QSER1: variants seen among roughly 807,000 people sequenced by gnomAD.
QSER1 encodes the protein glutamine and serine-rich protein 1.
QSER1 carries 49 observed loss-of-function variants against 158.5 expected under a neutral mutation model. The observed-to-expected ratio is 0.31, with a 90% CI of 0.25 to 0.39. The LOEUF (loss-of-function observed/expected upper bound fraction) is 0.39, where lower values mean the gene tolerates loss of function less well. Ranked by LOEUF, QSER1 falls within the 10% of genes least tolerant of loss-of-function variation. The probability of loss-of-function intolerance (pLI) is 1.00; values close to 1 mark genes in which losing one functional copy is unlikely to be tolerated. For synonymous variants in QSER1, 650 were observed against 715.5 expected (o/e 0.91, Z 1.46); for missense variants, 1,754 against 2,010.3 (o/e 0.87, Z 2.44).
intron 1 of QSER1, among the ~76,000 whole-genome samples, chr11:32,903,640 T>C (rs1378448970): frequency 6.6e-6 from 1 of 152,014 alleles, no homozygotes; most frequent in East Asian, 1.9e-4. Context: ...ACAGTCTTGC[T>C]CTGTCGCCCA....
chr11:32,953,202 T>C (rs941200188), intron 4 of QSER1, among the ~76,000 whole-genome samples: 14 of 151,988 alleles, frequency 9.2e-5, no homozygotes, highest in African/African-American at 3.4e-4. Flanking sequence ...TACTTTATAA[T>C]CATTTTAATT....
At chr11:32,923,225 T>C (rs1806843190) in intron 1 of QSER1, among the ~76,000 whole-genome samples, 1 of 152,226 alleles carries the variant, frequency 6.6e-6, no homozygotes, top group African/African-American at 2.4e-5. Flanking sequence ...TCCATCTATA[T>C]GACATTTTGG....
In QSER1 at chr11:32,893,872, A is replaced by G. The variant is rs1349350433; in HGVS notation, c.209+538A>G. On this transcript the variant is annotated intron_variant, in intron 1 of 12. Coordinates refer to ENST00000650167, the MANE Select transcript of QSER1 (RefSeq NM_001076786.3). This position sits in a 1 kb window ranked among gnomAD's most constrained non-coding sequence, Gnocchi z 4.7. ...CGGGAGAATCCCCGGGGCGCAGGGC[A>G]GAAGAGGGGGCCCGGCAGGGCGCGA... is the stretch of plus-strand genomic sequence containing the variant. Among the ~76,000 whole-genome samples, 1 of 152,216 alleles carries G rather than the reference A, an allele frequency of 6.6e-6. No individual in the cohort carries two copies. Among genetic ancestry groups the G allele is most frequent in the Admixed American group, 6.5e-5 (1 of 15,290 alleles).
At chr11:32,958,982 T>C (rs939953732) in intron 8 of QSER1, among the ~76,000 whole-genome samples, 1 of 152,192 alleles carries the variant, frequency 6.6e-6, no homozygotes, top group Non-Finnish European at 1.5e-5. Flanking sequence ...AAAATGCATT[T>C]ATGTAGGTAT....
intron 1 of QSER1, among the ~76,000 whole-genome samples, chr11:32,903,412 T>C (rs1168116376): frequency 6.7e-6 from 1 of 148,470 alleles, no homozygotes; most frequent in Non-Finnish European, 1.5e-5. Context: ...TGGGAGGTGA[T>C]ACCAGAAAAA....
At chr11:32,897,658 CA>C (rs1164471110) in intron 1 of QSER1, among the ~76,000 whole-genome samples, 1 of 152,232 alleles carries the variant, frequency 6.6e-6, no homozygotes, top group Non-Finnish European at 1.5e-5. Context: ...CCTGCGGACT[CA>C]CATCCACGTC....
chr11:32,972,911 TCTTC>T (rs1852896207), intron 10 of QSER1, among the ~76,000 whole-genome samples: 1 of 152,236 alleles, frequency 6.6e-6, no homozygotes, highest in Non-Finnish European at 1.5e-5. Context: ...TCTGTCGTCA[TCTTC>T]ACCAGAGGCA....
Position 32,923,691 on chromosome 11 carries a change from C to T in QSER1, c.210-3466C>T, listed in dbSNP as rs187484083. On this transcript the variant is annotated intron_variant, in intron 1 of 12. Transcript: ENST00000650167. ...AGACTCTTGTCTCAAAAAAAAAGGC[C>T]GGGCACGGTGGCTCACACCTGTAAT... Among the ~76,000 whole-genome samples the T allele has an allele frequency of 3.1e-4, 43 of 138,342 alleles. No homozygotes were observed. The East Asian group carries it at 7.2e-3, about 23-fold the overall frequency. 90.8% of individuals were successfully genotyped at this position (138,342 alleles called of 152,430 possible).
chr11:32,914,270 A>C (rs1851806401), intron 1 of QSER1, among the ~76,000 whole-genome samples: 1 of 152,298 alleles, frequency 6.6e-6, no homozygotes, highest in East Asian at 1.9e-4. Context: ...ATTCTACAAG[A>C]TTATGTACTT....
At chr11:32,916,378 T>C (rs139958696) in intron 1 of QSER1, among the ~76,000 whole-genome samples, 128 of 152,316 alleles carry the variant, frequency 8.4e-4, no homozygotes, top group Non-Finnish European at 1.7e-3. Flanking sequence ...TTTTCCTAGT[T>C]TCCCCTCTCC....
chr11:32,960,905 T>G (rs2133592471), intron 8 of QSER1, among the ~76,000 whole-genome samples: 1 of 152,340 alleles, frequency 6.6e-6, no homozygotes, highest in South Asian at 2.1e-4. Flanking sequence ...CTGGTGATTT[T>G]CAGACTCTTT....
chr11:32,973,740 A>G (rs756968537), intron 11 of QSER1, among the ~76,000 whole-genome samples, 191 bp downstream of exon 11: 1 of 152,218 alleles, frequency 6.6e-6, no homozygotes, highest in Non-Finnish European at 1.5e-5. Context: ...ATAGCACAGT[A>G]TCAGGCATAT....
rs915125765 is a variant in QSER1, at chr11:32,899,611, A to G, written c.209+6277A>G. Among the ~76,000 whole-genome samples, 4 of 152,092 alleles carry G rather than the reference A, an allele frequency of 2.6e-5. No homozygotes were observed. The East Asian group carries it at 7.7e-4, about 29-fold the overall frequency. Reference sequence around the variant, plus strand: ...AATCACTCATTAAAATGTAGTGGCCATCTCTCAGTTTCTGTTTCTCAGCTG... The same window carrying G: ...AATCACTCATTAAAATGTAGTGGCCGTCTCTCAGTTTCTGTTTCTCAGCTG... On this transcript the variant is annotated intron_variant, in intron 1 of 12. Coordinates refer to ENST00000650167, the MANE Select transcript of QSER1 (RefSeq NM_001076786.3).
At chr11:32,946,624 T>C (rs1227550489) in intron 4 of QSER1, among the ~76,000 whole-genome samples, 1 of 152,184 alleles carries the variant, frequency 6.6e-6, no homozygotes, top group Admixed American at 6.5e-5. Context: ...GAACCACTGC[T>C]CTCTTCAAAG....
At chr11:32,927,553 A>C (rs1590728667) in intron 2 of QSER1, among the ~76,000 whole-genome samples, 1 of 152,004 alleles carries the variant, frequency 6.6e-6, no homozygotes, top group Non-Finnish European at 1.5e-5. Flanking sequence ...GACTACAGGC[A>C]CCTGCCACCA....
rs1853022513 is a variant in QSER1 at position 32,978,897 on chromosome 11, C to T, written c.*2423C>T. The T allele has an allele frequency of 1.3e-5, 2 of 152,198 alleles. No individual in the cohort carries two copies. Among genetic ancestry groups the T allele is most frequent in the African/African-American group, 4.8e-5 (2 of 41,440 alleles). The allele number at this position is 152,198 out of a possible 1,614,324, so 9.4% of individuals were successfully genotyped here. A position where few individuals can be genotyped will look rare whatever the true frequency, so the allele number is the denominator to read the frequency against. The stretch of plus-strand genomic sequence containing the variant: ...TTAAATACAGTCATGCGTTGCTTAA[C>T]AGCAGGGATACATTCTGAGAAATGC... On this transcript the variant is annotated 3_prime_UTR_variant, in exon 13 of 13. Coordinates refer to ENST00000650167, the MANE Select transcript of QSER1 (RefSeq NM_001076786.3).
rs1230373054 is a variant in QSER1, at chr11:32,976,391, T to C, written c.5512T>C (p.Cys1838Arg). 6.2e-7 allele frequency: 1 copy of C among 1,608,998 alleles called. No individual in the cohort carries two copies. Reference protein sequence around the residue: ...DLGQEEIVQLCMKNVKWVEDL... With the variant: ...DLGQEEIVQLRMKNVKWVEDL... ...AGGACAGGAGGAAATTGTTCAACTT[T>C]GTATGAAAAATGTAAAATGGGTGGA... is the stretch of plus-strand genomic sequence containing the variant. Residue 1838 changes from cysteine to arginine, a missense_variant, in exon 13 of 13, where the codon TGT (cysteine) becomes CGT (arginine). Around this residue, in one of 2 missense-constraint regions of QSER1, gnomAD observed 47 missense variants for 90.7 expected, o/e 0.52. Coordinates refer to ENST00000650167, the MANE Select transcript of QSER1 (RefSeq NM_001076786.3).
In QSER1 at chr11:32,904,043, G is replaced by C. The variant is rs558319404; in HGVS notation, c.209+10709G>C. On this transcript the variant is annotated intron_variant, in intron 1 of 12. Transcript: ENST00000650167. ...AATGTTTATCCCTATTGCTGCTTCTGGTGTTTTAATTTCGGCTACATGCTG... is the reference window on the plus strand; with the variant it reads ...AATGTTTATCCCTATTGCTGCTTCTCGTGTTTTAATTTCGGCTACATGCTG... Among the ~76,000 whole-genome samples the C allele has an allele frequency of 5.8e-4, 89 of 152,244 alleles. 1 individual carries two copies. The highest frequency in any genetic ancestry group is 2.0e-3 in the African/African-American group (85 of 41,512).
In QSER1 at chr11:32,934,564, T is replaced by G. The variant is rs1852110314; in HGVS notation, c.3306T>G (p.Ser1102Arg). The G allele has an allele frequency of 6.2e-7, 1 of 1,613,534 alleles. No individual in the cohort carries two copies. Among genetic ancestry groups the G allele is most frequent in the South Asian group, 1.1e-5 (1 of 91,058 alleles). ...VGPSHEVQEQ[S>R]SGPFKKQSAT... ...CAAGTCATGAAGTCCAGGAGCAAAGTTCTGGCCCATTCAAGAAACAGTCTG... is the reference window on the plus strand; with the variant it reads ...CAAGTCATGAAGTCCAGGAGCAAAGGTCTGGCCCATTCAAGAAACAGTCTG... Residue 1102 changes from serine (S) to arginine (R), a missense_variant, in exon 4 of 13, where the codon AGT (serine) becomes AGG (arginine). This residue lies in a region of QSER1 where 1,707 missense variants were observed against 1,919.6 expected (regional missense o/e 0.89). Coordinates refer to ENST00000650167, the MANE Select transcript of QSER1 (RefSeq NM_001076786.3).
Sources: gnomAD v4.1 joint callset for allele counts (sites outside exome capture counted in the v4.1 genomes callset) on GRCh38, gnomAD v4.1.1 for gene constraint, gnomAD v4.1.1 regional missense constraint, Gnocchi (gnomAD v3.1) non-coding constraint, MANE v1.5 for transcripts, NCBI Gene and HGNC (gene_info 2026-07-23, HGNC 2026-07-21) for gene names.